CADM2: variants seen among roughly 807,000 people sequenced by gnomAD.
The protein encoded by CADM2 is immunoglobulin superfamily member 4D.
Under a neutral mutation model 49.8 loss-of-function variants are expected in CADM2, and 12 were observed. That is an observed-to-expected ratio of 0.24 (90% CI 0.15 to 0.39). The LOEUF is 0.39. Among genes scored for constraint, CADM2 ranks in the 10% least tolerant of loss-of-function variants. The pLI is 1.00. For synonymous variants in CADM2, 214 were observed against 175.4 expected, an observed-to-expected ratio of 1.22 and a Z score of -1.74; for missense variants, 378 against 492.3, an observed-to-expected ratio of 0.77 and a Z score of 2.20.
intron 1 of CADM2, among the ~76,000 whole-genome samples, chr3:85,089,837 C>T (rs1033159521): frequency 2.6e-5 from 4 of 152,112 alleles, no homozygotes; most frequent in African/African-American, 9.7e-5. Flanking sequence ...TGTTTATCTT[C>T]ATATGCTGAA....
intron 1 of CADM2, among the ~76,000 whole-genome samples, chr3:85,377,335 A>C (rs897621431): frequency 1.2e-4 from 18 of 152,074 alleles, no homozygotes; most frequent in Non-Finnish European, 1.3e-4. Context: ...AATGCTGTTT[A>C]TCATTAGTGA....
intron 1 of CADM2, among the ~76,000 whole-genome samples, chr3:85,020,793 T>C (rs1445707411): frequency 1.3e-5 from 2 of 151,812 alleles, no homozygotes; most frequent in Non-Finnish European, 2.9e-5. Context: ...GGGGTGTGTG[T>C]GTGTGTGTGT....
intron 8 of CADM2, among the ~76,000 whole-genome samples, chr3:85,994,933 A>G (rs1729185291): frequency 6.6e-6 from 1 of 150,722 alleles, no homozygotes; most frequent in Admixed American, 6.7e-5. Flanking sequence ...TGTGACACAG[A>G]CATTAAATGA....
chr3:85,517,556 G>A (rs1399629506), intron 1 of CADM2, among the ~76,000 whole-genome samples: 7 of 151,938 alleles, frequency 4.6e-5, no homozygotes, highest in Admixed American at 3.3e-4. Flanking sequence ...GAATTATATC[G>A]TCATGATTTT....
chr3:85,168,942 G>GATTTATTT (rs199591280), intron 1 of CADM2, among the ~76,000 whole-genome samples: 83 of 151,364 alleles, frequency 5.5e-4, no homozygotes, highest in African/African-American at 1.5e-3. Context: ...ATTTAGTAAA[G>GATTTATTT]ATTTATTTAT....
chr3:85,132,053 T>C (rs938849171), intron 1 of CADM2, among the ~76,000 whole-genome samples: 1 of 152,196 alleles, frequency 6.6e-6, no homozygotes, highest in South Asian at 2.1e-4. Context: ...TCTTAAGAGA[T>C]ATTATTTGTG....
chr3:85,767,924 C>G (rs1471288076), intron 2 of CADM2, among the ~76,000 whole-genome samples: 2 of 152,080 alleles, frequency 1.3e-5, no homozygotes, highest in African/African-American at 4.8e-5. Context: ...TAACCTTTTG[C>G]ATCTGTTGTA....
chr3:85,719,493 G>A (rs1014945990), intron 1 of CADM2, among the ~76,000 whole-genome samples: 1 of 152,110 alleles, frequency 6.6e-6, no homozygotes, highest in Non-Finnish European at 1.5e-5. Flanking sequence ...CACATATTTT[G>A]TATATGTATC....
intron 1 of CADM2, among the ~76,000 whole-genome samples, chr3:85,400,641 T>C (rs903952966): frequency 2.6e-5 from 4 of 152,206 alleles, no homozygotes; most frequent in African/African-American, 9.7e-5. Context: ...GTTATTGGTC[T>C]ATTTAGGGAT....
At chr3:85,120,845 G>A in intron 1 of CADM2, among the ~76,000 whole-genome samples, 1 of 152,042 alleles carries the variant, frequency 6.6e-6, no homozygotes, top group East Asian at 1.9e-4. Context: ...ATAAAAAAAA[G>A]ATACATTGCT....
intron 8 of CADM2, among the ~76,000 whole-genome samples, chr3:86,035,788 C>T (rs546421064): frequency 6.6e-6 from 1 of 152,146 alleles, no homozygotes; most frequent in South Asian, 2.1e-4. Flanking sequence ...GTTAGTAGCT[C>T]AAGTTGCTTT....
intron 3 of CADM2, among the ~76,000 whole-genome samples, chr3:85,814,940 A>G (rs2108148544): frequency 6.6e-6 from 1 of 152,204 alleles, no homozygotes; most frequent in Middle Eastern, 3.4e-3. Context: ...TAGAAATACA[A>G]ACTACCATCA....
intron 1 of CADM2, among the ~76,000 whole-genome samples, chr3:85,106,993 G>A (rs1042318349): frequency 6.6e-6 from 1 of 152,100 alleles, no homozygotes; most frequent in African/African-American, 2.4e-5. Flanking sequence ...CAATTAGTAG[G>A]AGGGACGAAA....
chr3:86,012,394 C>T (rs961363427), intron 8 of CADM2, among the ~76,000 whole-genome samples: 4 of 152,204 alleles, frequency 2.6e-5, no homozygotes, highest in Admixed American at 6.5e-5. Context: ...CATGGTCACA[C>T]ACAATAAATT....
intron 3 of CADM2, among the ~76,000 whole-genome samples, chr3:85,813,853 A>G (rs1380428796): frequency 2.0e-5 from 3 of 151,894 alleles, no homozygotes; most frequent in Non-Finnish European, 4.4e-5. Flanking sequence ...GGTTGTGGAT[A>G]TGTGGTGTTA....
chr3:85,397,626 A>G (rs12637798), intron 1 of CADM2, among the ~76,000 whole-genome samples: 76,368 of 152,108 alleles, frequency 0.5, 22,332 homozygotes, highest in East Asian at 0.83. Flanking sequence ...AATAAGCCAG[A>G]CATGCAAAGA....
At chr3:85,417,797 G>C (rs2035980678) in intron 1 of CADM2, among the ~76,000 whole-genome samples, 1 of 152,110 alleles carries the variant, frequency 6.6e-6, no homozygotes, top group Non-Finnish European at 1.5e-5. Flanking sequence ...TACAAGGCCA[G>C]ATACTGTGCT....
At chr3:85,109,793 A>G (rs896672621) in intron 1 of CADM2, among the ~76,000 whole-genome samples, 2 of 152,008 alleles carry the variant, frequency 1.3e-5, no homozygotes, top group African/African-American at 4.8e-5. Context: ...TACTTGATAT[A>G]TTGGTTCACC....
At chr3:85,049,356 T>TTTATTTATTTA (rs1416193323) in intron 1 of CADM2, among the ~76,000 whole-genome samples, 1 of 151,618 alleles carries the variant, frequency 6.6e-6, no homozygotes, top group African/African-American at 2.4e-5. Flanking sequence ...TATTTATTTA[T>TTTATTTATTTA]TTATTTATTT....
Sources: allele counts gnomAD v4.1 joint callset (sites outside exome capture counted in the v4.1 genomes callset), GRCh38; gene constraint gnomAD v4.1.1; transcripts MANE v1.5; gene names NCBI Gene and HGNC (gene_info 2026-07-23, HGNC 2026-07-21).